The following MAF variants were observed in gnomAD, a reference collection of about 807,000 sequenced individuals.
MAF encodes the protein MAF bZIP transcription factor, also known as transcription factor Maf.
MAF carries 10 observed loss-of-function variants against 22.0 expected under a neutral mutation model. That is an observed-to-expected ratio of 0.45 (90% confidence interval 0.28 to 0.77). The LOEUF is 0.77. MAF is among the 30% of genes least tolerant of loss of function. MAF has a pLI of 0.12. For synonymous variants in MAF, 337 were observed against 255.8 expected (o/e 1.32, Z -3.03); for missense variants, 544 against 548.4 (o/e 0.99, Z 0.08).
chr16:79,354,181 T>C, the MAF span, among the ~76,000 whole-genome samples: 5 of 151,460 alleles, frequency 3.3e-5, no homozygotes, highest in Admixed American at 6.6e-5. Flanking sequence ...TCAGTAGAGA[T>C]AGAGTTTTGC....
the MAF span, among the ~76,000 whole-genome samples, chr16:79,531,803 G>A: frequency 1.3e-5 from 2 of 152,032 alleles, no homozygotes; most frequent in African/African-American, 4.8e-5. Context: ...TTCCTAAGAG[G>A]CCACAGACTG....
chr16:79,256,361 C>G, the MAF span, among the ~76,000 whole-genome samples: 5 of 152,128 alleles, frequency 3.3e-5, no homozygotes, highest in Non-Finnish European at 5.9e-5. Flanking sequence ...ACTCTCCCCA[C>G]TGCAACAGCA....
chr16:79,528,151 C>G, the MAF span, among the ~76,000 whole-genome samples: 1 of 152,108 alleles, frequency 6.6e-6, no homozygotes, highest in Non-Finnish European at 1.5e-5. Flanking sequence ...CAAAAAGAAG[C>G]ATGGAGTGAA....
In MAF at chr16:79,587,428, C is replaced by CTT. The variant is rs80290636; in HGVS notation, c.1119-1489_1119-1488dup. ...AAAAAAAACTTCCCCGATAGGATTACTTTTTTTTTAATCTTTAGAAACAAC... is the reference window on the plus strand; with the variant it reads ...AAAAAAAACTTCCCCGATAGGATTACTTTTTTTTTTTAATCTTTAGAAACAAC... On this transcript the variant is annotated intron_variant, in intron 1 of 1. Coordinates refer to the MAF transcript ENST00000569649. Among the ~76,000 whole-genome samples the CTT allele has an allele frequency of 4.9e-4, 74 of 151,124 alleles. No individual in the cohort carries two copies. In the East Asian group the frequency reaches 7.4e-3, roughly 15 times the overall value.
Position 79,588,826 on chromosome 16 carries a change from G to GAATA in MAF, c.1119-2889_1119-2886dup, listed in dbSNP as rs994879929. On this transcript the variant is annotated intron_variant, in intron 1 of 1. Coordinates refer to the MAF transcript ENST00000569649. ...TAAAGGGTCCCAGGAAAAAATAAAT[G>GAATA]AATAAATAAATAAATAAATTTTTTA... 6.7e-4 allele frequency among the ~76,000 whole-genome samples: 101 copies of GAATA among 151,804 alleles called. 2 individuals are homozygous for GAATA. In the Middle Eastern group the frequency reaches 0.014, roughly 20 times the overall value.
At chr16:79,444,588 G>A in the MAF span, among the ~76,000 whole-genome samples, 3 of 152,178 alleles carry the variant, frequency 2.0e-5, no homozygotes, top group African/African-American at 7.2e-5. Flanking sequence ...ATTTACTCAA[G>A]GTCAGAGGAT....
chr16:79,470,017 C>G, the MAF span, among the ~76,000 whole-genome samples: 2,111 of 152,314 alleles, frequency 0.014, 50 homozygotes, highest in African/African-American at 0.048. Context: ...TAATCTCTAC[C>G]TCGCTCAGAA....
chr16:79,498,654 G>A, the MAF span, among the ~76,000 whole-genome samples: 1 of 152,170 alleles, frequency 6.6e-6, no homozygotes, highest in Non-Finnish European at 1.5e-5. Flanking sequence ...AAACAGAGAG[G>A]TTAAGTACCT....
chr16:79,504,158 G>A, the MAF span, among the ~76,000 whole-genome samples: 2 of 152,130 alleles, frequency 1.3e-5, no homozygotes, highest in Admixed American at 6.5e-5. Flanking sequence ...TAACTTGGCC[G>A]TTATGCTGTA....
intron 1 of MAF, chr16:79,595,588 T>C: frequency 9.4e-7 from 1 of 1,059,312 alleles, no homozygotes; most frequent in Middle Eastern, 4.2e-4. Context: ...CATTTAAAAA[T>C]AGGTCAGCGC....
At chr16:79,373,359 C>CTTTTTTTTTTTTTTTTTTTTT in the MAF span, among the ~76,000 whole-genome samples, 4 of 33,326 alleles carry the variant, frequency 1.2e-4, 2 homozygotes, top group African/African-American at 1.9e-4. Flanking sequence ...GGACTGGTAG[C>CTTTTTTTTTTTTTTTTTTTTT]TTTTTTTTTT....
the MAF span, among the ~76,000 whole-genome samples, chr16:79,369,653 T>C: frequency 4.6e-5 from 7 of 152,364 alleles, no homozygotes; most frequent in South Asian, 1.4e-3. Context: ...GGAATTGTGC[T>C]GTGGCTTCTC....
chr16:79,464,965 C>A, the MAF span, among the ~76,000 whole-genome samples: 1 of 152,138 alleles, frequency 6.6e-6, no homozygotes, highest in Non-Finnish European at 1.5e-5. Flanking sequence ...AGTATCTCAG[C>A]AATGAGAAAT....
chr16:79,218,476 T>C, the MAF span, among the ~76,000 whole-genome samples: 1 of 152,222 alleles, frequency 6.6e-6, no homozygotes, highest in Non-Finnish European at 1.5e-5. Flanking sequence ...TGGAGTTCCT[T>C]GATCCAACAG....
the MAF span, among the ~76,000 whole-genome samples, chr16:79,366,256 C>T: frequency 6.6e-6 from 1 of 152,118 alleles, no homozygotes; most frequent in Non-Finnish European, 1.5e-5. Context: ...ACCTTTAAAA[C>T]GTAACTGCAC....
the MAF span, among the ~76,000 whole-genome samples, chr16:79,491,860 A>G: frequency 6.6e-5 from 10 of 152,134 alleles, no homozygotes; most frequent in African/African-American, 2.2e-4. Context: ...GGGGGATTTT[A>G]GTGAGAAGAA....
the MAF span, among the ~76,000 whole-genome samples, chr16:79,210,552 CCT>C: frequency 2.0e-5 from 3 of 152,170 alleles, no homozygotes; most frequent in Non-Finnish European, 4.4e-5. Context: ...CTTTTCCGGT[CCT>C]CTCTTGCAAC....
the MAF span, among the ~76,000 whole-genome samples, chr16:79,231,129 G>A: frequency 6.6e-6 from 1 of 152,008 alleles, no homozygotes; most frequent in Admixed American, 6.6e-5. Context: ...GGATAGCAGG[G>A]ACAGCCACGA....
chr16:79,445,585 C>A, the MAF span, among the ~76,000 whole-genome samples: 574 of 152,336 alleles, frequency 3.8e-3, 1 homozygote, highest in African/African-American at 0.013. Context: ...CCACTGCACT[C>A]CACTGGCCAG....
Sources: allele counts gnomAD v4.1 joint callset (sites outside exome capture counted in the v4.1 genomes callset), GRCh38; gene constraint gnomAD v4.1.1; transcripts MANE v1.5; gene names NCBI Gene and HGNC (gene_info 2026-07-23, HGNC 2026-07-21).